Variants in DNAJB6 observed in about 807,000 individuals in gnomAD.
The protein encoded by DNAJB6 is DnaJ heat shock protein family (Hsp40) member B6, also known as dnaJ homolog subfamily B member 6.
In DNAJB6, 16 loss-of-function variants were observed where a neutral mutation model predicts 42.7. That is an observed-to-expected ratio of 0.37 (90% CI 0.25 to 0.57). The LOEUF (loss-of-function observed/expected upper bound fraction) is 0.57. Among genes scored for constraint, DNAJB6 ranks in the 20% least tolerant of loss-of-function variants. The pLI, the probability that DNAJB6 is intolerant of heterozygous loss-of-function variation, is 0.74. For synonymous variants in DNAJB6, 170 were observed against 163.5 expected (o/e 1.04, Z -0.30); for missense variants, 347 against 416.8 (o/e 0.83, Z 1.46).
chr7:157,370,269 C>G (rs555341629), intron 5 of DNAJB6, among the ~76,000 whole-genome samples: 2 of 148,882 alleles, frequency 1.3e-5, no homozygotes, highest in East Asian at 4.0e-4. Context: ...ATTAAACCGG[C>G]CTTTCATTAA....
At chr7:157,387,023 T>C (rs747304280) in intron 8 of DNAJB6, among the ~76,000 whole-genome samples, 3 of 151,204 alleles carry the variant, frequency 2.0e-5, no homozygotes, top group Non-Finnish European at 4.5e-5. Flanking sequence ...TGAAACTGTT[T>C]TGGAACTAAA....
chr7:157,351,661 C>CAAA (rs996992597), intron 1 of DNAJB6, among the ~76,000 whole-genome samples: 119 of 36,412 alleles, frequency 3.3e-3, no homozygotes, highest in Middle Eastern at 0.026. Flanking sequence ...ACAACAACAA[C>CAAA]AAAAAAAACC....
At chr7:157,344,793 C>T (rs1384084597) in intron 1 of DNAJB6, among the ~76,000 whole-genome samples, 1 of 151,692 alleles carries the variant, frequency 6.6e-6, no homozygotes, top group Non-Finnish European at 1.5e-5. Context: ...TTTTATATTT[C>T]GTAGAGACAA....
intron 8 of DNAJB6, among the ~76,000 whole-genome samples, chr7:157,396,903 C>T (rs1432144333): frequency 2.6e-5 from 4 of 151,988 alleles, no homozygotes; most frequent in African/African-American, 7.3e-5. Context: ...ATGGGAAGGC[C>T]GACGCCACAG....
In DNAJB6 at chr7:157,377,270, C is replaced by A. The variant is rs577808087; in HGVS notation, c.347-4976C>A. Among the ~76,000 whole-genome samples the A allele has an allele frequency of 2.0e-5, 3 of 152,288 alleles. No homozygotes were observed. In the South Asian group the frequency reaches 6.2e-4, roughly 32 times the overall value. ...AAAGGATGGCTTTGCAGGACAATTT[C>A]AAATGGTTTGTAGGGCATGACTCCC... On this transcript the variant is annotated intron_variant, in intron 5 of 9. Coordinates refer to ENST00000262177, the MANE Select transcript of DNAJB6 (RefSeq NM_058246.4).
intron 8 of DNAJB6, among the ~76,000 whole-genome samples, chr7:157,406,009 C>T (rs1423997380): frequency 3.9e-5 from 6 of 152,364 alleles, no homozygotes; most frequent in East Asian, 1.9e-4. Context: ...CAGTGCCGGG[C>T]GTGTAGCCAG....
At chr7:157,365,834 T>G (rs1563124824) in intron 3 of DNAJB6, among the ~76,000 whole-genome samples, 3 of 147,140 alleles carry the variant, frequency 2.0e-5, no homozygotes, top group Non-Finnish European at 4.5e-5. Flanking sequence ...CTGGCTAATT[T>G]TGTATTTTTA....
At chr7:157,344,878 G>A (rs928477294) in intron 1 of DNAJB6, among the ~76,000 whole-genome samples, 3 of 152,132 alleles carry the variant, frequency 2.0e-5, no homozygotes, top group Non-Finnish European at 4.4e-5. Context: ...CTGCCAAAGT[G>A]TTAGGATTAC....
chr7:157,371,944 T>C (rs1800230293), intron 5 of DNAJB6, among the ~76,000 whole-genome samples: 1 of 152,190 alleles, frequency 6.6e-6, no homozygotes, highest in South Asian at 2.1e-4. Context: ...GGCCTTTTAT[T>C]TTAGCAGTGC....
At chr7:157,385,886 T>G (rs1801032679) in intron 8 of DNAJB6, 1 of 1,078,234 alleles carries the variant, frequency 9.3e-7, no homozygotes. Context: ...TGTATGCACT[T>G]TGCTTTTTTA....
intron 1 of DNAJB6, 87 bp downstream of exon 1, chr7:157,337,231 A>G (rs1265548632): frequency 1.3e-5 from 2 of 152,040 alleles, no homozygotes; most frequent in Admixed American, 6.5e-5. Context: ...GCGCCTGGCA[A>G]CAGCGCGGGG....
intron 8 of DNAJB6, among the ~76,000 whole-genome samples, chr7:157,396,832 G>A (rs1172439847): frequency 6.6e-6 from 1 of 152,092 alleles, no homozygotes; most frequent in Non-Finnish European, 1.5e-5. Flanking sequence ...AGGAACTTCA[G>A]ACAGTTCAAG....
intron 2 of DNAJB6, among the ~76,000 whole-genome samples, 175 bp downstream of exon 2, chr7:157,358,812 G>C (rs1190929397): frequency 6.6e-6 from 1 of 152,188 alleles, no homozygotes; most frequent in Non-Finnish European, 1.5e-5. Flanking sequence ...CTAGGCCTGG[G>C]CTTTGCTCTT....
chr7:157,367,677 A>G lies in DNAJB6; in HGVS notation c.346+194A>G, dbSNP rs62493457. On this transcript the variant is annotated intron_variant, in intron 5 of 9. Coordinates refer to ENST00000262177, the MANE Select transcript of DNAJB6 (RefSeq NM_058246.4). ...GGAGTTCAAGACCAGCCTGACCAAC[A>G]TGGAGAAGCCACGTCTCTATTAAAA... 0.041 allele frequency among the ~76,000 whole-genome samples: 6,191 copies of G among 152,218 alleles called. 192 individuals carry two copies. Among genetic ancestry groups the G allele is most frequent in the Middle Eastern group, 0.071 (21 of 294 alleles).
At chr7:157,400,861 G>T (rs938909195) in intron 8 of DNAJB6, among the ~76,000 whole-genome samples, 4 of 152,234 alleles carry the variant, frequency 2.6e-5, no homozygotes, top group Non-Finnish European at 5.9e-5. Context: ...TGGAAGGCAG[G>T]TGTGCTGGAG....
chr7:157,367,720 A>G lies in DNAJB6; in HGVS notation c.346+237A>G, dbSNP rs556330706. The stretch of plus-strand genomic sequence containing the variant: ...TATTAAAATACAAAATTAGCCGGGC[A>G]TGGTGGCGCATGCCTGTAATCCCAG... On this transcript the variant is annotated intron_variant, in intron 5 of 9. Coordinates refer to ENST00000262177, the MANE Select transcript of DNAJB6 (RefSeq NM_058246.4). Among the ~76,000 whole-genome samples, 8 of 152,232 alleles carry G rather than the reference A, an allele frequency of 5.3e-5. No individual in the cohort carries two copies. In the East Asian group the frequency reaches 9.7e-4, roughly 18 times the overall value.
chr7:157,363,117 T>C (rs1197956856), intron 2 of DNAJB6, 44 bp from the exon 3 acceptor site: 4 of 1,375,686 alleles, frequency 2.9e-6, no homozygotes, highest in Non-Finnish European at 4.1e-6. Flanking sequence ...GCATAGTTGA[T>C]TTCTGGATTT....
chr7:157,397,171 C>T (rs768832278), intron 8 of DNAJB6, among the ~76,000 whole-genome samples: 38 of 152,336 alleles, frequency 2.5e-4, no homozygotes, highest in South Asian at 4.1e-4. Context: ...CTGTAGCTAC[C>T]CCTTGAGGAG....
intron 5 of DNAJB6, among the ~76,000 whole-genome samples, chr7:157,373,476 A>G (rs2117034607): frequency 6.6e-6 from 1 of 152,188 alleles, no homozygotes; most frequent in African/African-American, 2.4e-5. Flanking sequence ...TCAGCCTCCC[A>G]AGTAGCTGGG....
Sources: allele counts gnomAD v4.1 joint callset (sites outside exome capture counted in the v4.1 genomes callset), GRCh38; gene constraint gnomAD v4.1.1; transcripts MANE v1.5; gene names NCBI Gene and HGNC (gene_info 2026-07-23, HGNC 2026-07-21).